Variants in CCNY observed in about 807,000 individuals in gnomAD.
The protein encoded by CCNY is cyclin-Y.
In CCNY, 19 loss-of-function variants were observed where a neutral mutation model predicts 42.8. The observed-to-expected ratio is 0.44, with a 90% CI of 0.31 to 0.65. The LOEUF (loss-of-function observed/expected upper bound fraction) is 0.65. Ranked by LOEUF, CCNY falls within the 30% of genes least tolerant of loss-of-function variation. CCNY has a pLI of 0.07. For missense variants in CCNY, 370 were observed against 437.3 expected (o/e 0.85, Z 1.37); for synonymous variants, 165 against 162.7 (o/e 1.01, Z -0.11).
intron 2 of CCNY, among the ~76,000 whole-genome samples, chr10:35,484,712 G>T (rs1213599415): frequency 6.6e-6 from 1 of 152,122 alleles, no homozygotes; most frequent in Non-Finnish European, 1.5e-5. Context: ...ACCAAGTTTT[G>T]CAGACACTGA....
intron 1 of CCNY, among the ~76,000 whole-genome samples, chr10:35,418,679 C>T (rs905780870): frequency 2.6e-5 from 4 of 152,080 alleles, no homozygotes; most frequent in African/African-American, 7.2e-5. Flanking sequence ...GGAGGTAGAG[C>T]GAGCACAGCC....
At chr10:35,335,698 A>C (rs991504267), upstream of CCNY, among the ~76,000 whole-genome samples, 3 of 150,974 alleles carry the variant, frequency 2.0e-5, no homozygotes, top group Admixed American at 6.6e-5. Flanking sequence ...ACAAAAAGTT[A>C]ACACACACAC....
intron 1 of CCNY, among the ~76,000 whole-genome samples, chr10:35,416,264 T>C (rs1838023594): frequency 6.6e-6 from 1 of 152,016 alleles, no homozygotes. Context: ...TTGGTGGATT[T>C]CTGTAGATGT....
intron 1 of CCNY, among the ~76,000 whole-genome samples, chr10:35,377,010 C>T (rs1363428257): frequency 6.6e-6 from 1 of 152,090 alleles, no homozygotes; most frequent in Admixed American, 6.5e-5. Context: ...TACTAAAAAC[C>T]ACTGAATTGT....
At chr10:35,254,368 T>A (rs1182083931) in intron 3 of CCNY, among the ~76,000 whole-genome samples, 6 of 152,172 alleles carry the variant, frequency 3.9e-5, no homozygotes, top group Admixed American at 3.9e-4. Context: ...TCTGTTTTAG[T>A]GAAAAAAATT....
At chr10:35,439,372 T>C (rs1838614461) in intron 1 of CCNY, among the ~76,000 whole-genome samples, 1 of 152,224 alleles carries the variant, frequency 6.6e-6, no homozygotes. Flanking sequence ...TTCAGTTCAC[T>C]GATTCTTTCT....
At chr10:35,369,511 A>T (rs1214768082) in intron 1 of CCNY, among the ~76,000 whole-genome samples, 1 of 152,226 alleles carries the variant, frequency 6.6e-6, no homozygotes, top group Non-Finnish European at 1.5e-5. Flanking sequence ...TTTTATGGGT[A>T]AGAGTCATGA....
At chr10:35,540,244 T>C (rs923485441) in intron 7 of CCNY, among the ~76,000 whole-genome samples, 1 of 152,226 alleles carries the variant, frequency 6.6e-6, no homozygotes, top group African/African-American at 2.4e-5. Flanking sequence ...TTGAGGAAGT[T>C]TCCTTGTATT....
intron 1 of CCNY, among the ~76,000 whole-genome samples, chr10:35,417,482 A>C (rs1192344414): frequency 6.6e-6 from 1 of 152,208 alleles, no homozygotes; most frequent in Non-Finnish European, 1.5e-5. Flanking sequence ...ATGATGTATG[A>C]GGGAAAGAGA....
At chr10:35,528,791 C>T (rs1840704909) in intron 5 of CCNY, among the ~76,000 whole-genome samples, 1 of 152,142 alleles carries the variant, frequency 6.6e-6, no homozygotes, top group Non-Finnish European at 1.5e-5. Context: ...TTGTTAAGCT[C>T]TTTCTCTTTT....
intron 3 of CCNY, among the ~76,000 whole-genome samples, chr10:35,326,347 T>C (rs1835880201): frequency 6.6e-6 from 1 of 152,018 alleles, no homozygotes; most frequent in African/African-American, 2.4e-5. Context: ...AGTACAGCCT[T>C]GGGGAGAGGA....
At chr10:35,380,209 G>T (rs1018271287) in intron 1 of CCNY, among the ~76,000 whole-genome samples, 1 of 152,196 alleles carries the variant, frequency 6.6e-6, no homozygotes, top group African/African-American at 2.4e-5. Context: ...TCCCATTTTG[G>T]TTTGTATTTT....
intron 8 of CCNY, 41 bp downstream of exon 8, chr10:35,553,226 G>A (rs1299962624): frequency 6.3e-7 from 1 of 1,597,270 alleles, no homozygotes; most frequent in Admixed American, 1.7e-5. Flanking sequence ...CAGAGTCTTG[G>A]CCAGACCATT....
intron 3 of CCNY, among the ~76,000 whole-genome samples, chr10:35,277,546 G>T (rs1244248850): frequency 6.6e-6 from 1 of 152,084 alleles, no homozygotes; most frequent in Non-Finnish European, 1.5e-5. Flanking sequence ...CTTAAACTCT[G>T]CCTAGGAGGC....
chr10:35,280,738 A>G (rs1395659570), intron 3 of CCNY, among the ~76,000 whole-genome samples: 1 of 152,240 alleles, frequency 6.6e-6, no homozygotes, highest in Non-Finnish European at 1.5e-5. Context: ...CAAAGAAAAA[A>G]TAGAGAAATT....
chr10:35,491,813 C>A (rs546229933), intron 2 of CCNY, among the ~76,000 whole-genome samples: 1 of 151,174 alleles, frequency 6.6e-6, no homozygotes, highest in South Asian at 2.1e-4. Flanking sequence ...TGGGGTTTCA[C>A]CATGTTAGCC....
intron 1 of CCNY, among the ~76,000 whole-genome samples, chr10:35,392,815 T>C (rs775584704): frequency 7.9e-5 from 12 of 152,154 alleles, no homozygotes; most frequent in Non-Finnish European, 1.6e-4. Context: ...GTTGTGGCCA[T>C]TACAGAGCCT....
intron 1 of CCNY, among the ~76,000 whole-genome samples, chr10:35,384,033 T>G (rs1564391009): frequency 6.6e-6 from 1 of 152,242 alleles, no homozygotes; most frequent in East Asian, 1.9e-4. Context: ...CTGATGATGT[T>G]TCACAGACAG....
chr10:35,452,049 A>G (rs897953534), intron 1 of CCNY, among the ~76,000 whole-genome samples: 4 of 152,188 alleles, frequency 2.6e-5, no homozygotes, highest in African/African-American at 9.7e-5. Context: ...GGTCAGACTA[A>G]TATTTTGTTT....
Sources: gnomAD v4.1 joint callset for allele counts (sites outside exome capture counted in the v4.1 genomes callset) on GRCh38, gnomAD v4.1.1 for gene constraint, MANE v1.5 for transcripts, NCBI Gene and HGNC (gene_info 2026-07-23, HGNC 2026-07-21) for gene names.